The following CTNNA3 variants were observed in gnomAD, a reference collection of about 807,000 sequenced individuals.
CTNNA3 encodes catenin alpha 3.
CTNNA3 carries 76 observed loss-of-function variants against 95.7 expected under a neutral mutation model. That is an observed-to-expected ratio of 0.79 (90% CI 0.66 to 0.96). CTNNA3 has a LOEUF of 0.96. Ranked by LOEUF, CTNNA3 falls within the 40% of genes least tolerant of loss-of-function variation. The pLI, the probability that CTNNA3 is intolerant of heterozygous loss-of-function variation, is 0.00. For synonymous variants in CTNNA3, 431 were observed against 374.4 expected (o/e 1.15, Z -1.74); for missense variants, 1,191 against 1,089.8 (o/e 1.09, Z -1.31).
chr10:66,908,256 C>T (rs1274847717), intron 7 of CTNNA3, among the ~76,000 whole-genome samples: 1 of 152,216 alleles, frequency 6.6e-6, no homozygotes, highest in African/African-American at 2.4e-5. Context: ...CTGCTTCTCA[C>T]AGTGACATCA....
intron 2 of CTNNA3, among the ~76,000 whole-genome samples, chr10:67,614,458 T>C (rs1173880728): frequency 6.6e-6 from 1 of 152,184 alleles, no homozygotes; most frequent in Non-Finnish European, 1.5e-5. Flanking sequence ...CGGTCCCATC[T>C]GGGGGTGATG....
intron 11 of CTNNA3, among the ~76,000 whole-genome samples, chr10:66,456,208 A>AT (rs1241142151): frequency 6.6e-6 from 1 of 152,192 alleles, no homozygotes; most frequent in Non-Finnish European, 1.5e-5. Context: ...ATGGAAATTC[A>AT]AAGGAATTAT....
At chr10:65,953,924 T>C (rs1004086013) in intron 17 of CTNNA3, among the ~76,000 whole-genome samples, 7 of 152,206 alleles carry the variant, frequency 4.6e-5, no homozygotes, top group Non-Finnish European at 8.8e-5. Context: ...CTGGGTCAAA[T>C]GGTATTTCTA....
At chr10:67,129,440 C>T (rs2132014570) in intron 7 of CTNNA3, among the ~76,000 whole-genome samples, 1 of 152,228 alleles carries the variant, frequency 6.6e-6, no homozygotes, top group South Asian at 2.1e-4. Context: ...ACAATTCTGA[C>T]ACTATAGCTT....
At chr10:67,713,488 T>C (rs1288698190) in intron 1 of CTNNA3, among the ~76,000 whole-genome samples, 1 of 152,216 alleles carries the variant, frequency 6.6e-6, no homozygotes, top group East Asian at 1.9e-4. Flanking sequence ...TGCACACATA[T>C]GTTTATTGCA....
intron 16 of CTNNA3, among the ~76,000 whole-genome samples, chr10:65,987,048 A>C (rs2078443244): frequency 6.6e-6 from 1 of 151,966 alleles, no homozygotes; most frequent in Admixed American, 6.6e-5. Context: ...CATATGGAAA[A>C]ATCCAATCAA....
intron 12 of CTNNA3, among the ~76,000 whole-genome samples, chr10:66,327,968 T>C (rs12098465): frequency 0.12 from 18,352 of 152,058 alleles, 1,300 homozygotes; most frequent in East Asian, 0.24. Flanking sequence ...ATTTGAAACA[T>C]GGAAAAGAAA....
chr10:67,242,677 A>G (rs1343705153), intron 5 of CTNNA3, among the ~76,000 whole-genome samples: 1 of 152,230 alleles, frequency 6.6e-6, no homozygotes, highest in Non-Finnish European at 1.5e-5. Flanking sequence ...CATTCATGCA[A>G]TATATGTGCC....
chr10:66,819,706 G>A (rs1227547355), intron 7 of CTNNA3, among the ~76,000 whole-genome samples: 2 of 152,102 alleles, frequency 1.3e-5, no homozygotes, highest in Non-Finnish European at 2.9e-5. Context: ...CATTTTTCTA[G>A]ACATACAAAT....
chr10:66,584,815 G>A (rs1219769215), intron 10 of CTNNA3, among the ~76,000 whole-genome samples: 1 of 151,928 alleles, frequency 6.6e-6, no homozygotes, highest in East Asian at 1.9e-4. Flanking sequence ...ATTTATTCTG[G>A]TGAGTAACAA....
chr10:65,938,358 C>G (rs1045271380), intron 17 of CTNNA3, among the ~76,000 whole-genome samples: 1 of 152,140 alleles, frequency 6.6e-6, no homozygotes, highest in Non-Finnish European at 1.5e-5. Context: ...ATAATTATTT[C>G]TGCTCTCCTT....
At chr10:67,650,081 C>T (rs1352075494) in intron 1 of CTNNA3, among the ~76,000 whole-genome samples, 4 of 152,064 alleles carry the variant, frequency 2.6e-5, no homozygotes, top group East Asian at 1.9e-4. Flanking sequence ...TCAGGTGATC[C>T]GCCCGCCTCA....
chr10:66,299,954 A>T (rs7902284), intron 12 of CTNNA3, among the ~76,000 whole-genome samples: 8,159 of 152,124 alleles, frequency 0.054, 436 homozygotes, highest in African/African-American at 0.13. Flanking sequence ...GCACAATGGC[A>T]TGATCTCGGT....
chr10:67,735,117 CA>C (rs1229715212), intron 1 of CTNNA3, among the ~76,000 whole-genome samples: 1 of 147,280 alleles, frequency 6.8e-6, no homozygotes, highest in African/African-American at 2.6e-5. Flanking sequence ...TCCACCCTTC[CA>C]GCAAGTGAGC....
At chr10:67,006,569 A>G (rs370754893) in intron 7 of CTNNA3, among the ~76,000 whole-genome samples, 4 of 152,286 alleles carry the variant, frequency 2.6e-5, no homozygotes, top group Admixed American at 1.3e-4. Context: ...TCTACCTGCT[A>G]AAGTAGAAGT....
At chr10:67,332,546 A>G (rs142103950) in intron 5 of CTNNA3, among the ~76,000 whole-genome samples, 1 of 152,280 alleles carries the variant, frequency 6.6e-6, no homozygotes, top group Non-Finnish European at 1.5e-5. Context: ...ATGGATACAG[A>G]TCCCATTTTT....
At chr10:66,160,068 T>C (rs1425693877) in intron 13 of CTNNA3, among the ~76,000 whole-genome samples, 2 of 152,150 alleles carry the variant, frequency 1.3e-5, no homozygotes, top group African/African-American at 4.8e-5. Context: ...TTTTCTGTCT[T>C]CTTTTCTTGG....
chr10:66,326,273 A>T (rs190469838), intron 12 of CTNNA3, among the ~76,000 whole-genome samples: 2 of 152,184 alleles, frequency 1.3e-5, no homozygotes, highest in African/African-American at 4.8e-5. Context: ...GTTACGCTTC[A>T]CTCTTACAAT....
intron 9 of CTNNA3, among the ~76,000 whole-genome samples, chr10:66,635,151 C>T (rs1845292099): frequency 1.3e-5 from 2 of 152,068 alleles, no homozygotes; most frequent in African/African-American, 4.8e-5. Flanking sequence ...ACCTCAGAAT[C>T]ACCACTCAAA....
Sources: gnomAD v4.1 joint callset for allele counts (sites outside exome capture counted in the v4.1 genomes callset) on GRCh38, gnomAD v4.1.1 for gene constraint, MANE v1.5 for transcripts, NCBI Gene and HGNC (gene_info 2026-07-23, HGNC 2026-07-21) for gene names.